Variants in MTPN observed in about 807,000 individuals in gnomAD.
MTPN encodes myotrophin, also known as granule cell differentiation protein.
In MTPN, 2 loss-of-function variants were observed where a neutral mutation model predicts 13.5. The ratio of observed to expected loss-of-function variants is 0.15; its 90% CI spans 0.06 to 0.47. The LOEUF (loss-of-function observed/expected upper bound fraction) is 0.47, where lower values mean the gene tolerates loss of function less well. Ranked by LOEUF, MTPN falls within the 20% of genes least tolerant of loss-of-function variation. The pLI is 0.97. For synonymous variants in MTPN, 46 were observed against 51.7 expected (o/e 0.89, Z 0.48); for missense variants, 79 against 137.9 (o/e 0.57, Z 2.14).
intron 1 of MTPN, among the ~76,000 whole-genome samples, chr7:135,962,751 T>C (rs1196847877): frequency 6.6e-6 from 1 of 152,030 alleles, no homozygotes; most frequent in Non-Finnish European, 1.5e-5. Flanking sequence ...TTCACTAGAT[T>C]AGTACTTCTT....
intron 1 of MTPN, among the ~76,000 whole-genome samples, chr7:135,959,946 T>C (rs1028042104): frequency 1.3e-5 from 2 of 152,080 alleles, no homozygotes; most frequent in Admixed American, 1.3e-4. Flanking sequence ...CAATGCCAAG[T>C]TGTTTTTTCC....
chr7:135,957,830 G>A (rs55740747), intron 1 of MTPN, among the ~76,000 whole-genome samples: 12,053 of 151,962 alleles, frequency 0.079, 537 homozygotes, highest in South Asian at 0.15. Flanking sequence ...TCCCTCCCTT[G>A]CTTCCTCTCT....
intron 3 of MTPN, among the ~76,000 whole-genome samples, chr7:135,933,822 G>A (rs1799068127): frequency 6.6e-6 from 1 of 152,046 alleles, no homozygotes; most frequent in Non-Finnish European, 1.5e-5. Flanking sequence ...TTGGAGGTGG[G>A]GCCTGGTGGG....
intron 3 of MTPN, among the ~76,000 whole-genome samples, chr7:135,943,693 G>A (rs747030119): frequency 5.3e-5 from 8 of 152,104 alleles, no homozygotes; most frequent in South Asian, 4.1e-4. Flanking sequence ...TAAAATTAGC[G>A]CTGCATAACC....
intron 3 of MTPN, among the ~76,000 whole-genome samples, chr7:135,935,495 G>A (rs555010641): frequency 2.6e-5 from 4 of 152,152 alleles, no homozygotes; most frequent in African/African-American, 7.2e-5. Flanking sequence ...CCACCTTAGC[G>A]TCCCAAAATG....
intron 3 of MTPN, among the ~76,000 whole-genome samples, chr7:135,930,740 C>G (rs541538009): frequency 1.3e-5 from 2 of 152,282 alleles, no homozygotes; most frequent in South Asian, 4.1e-4. Context: ...CCACTGTACT[C>G]CAGCACTTGG....
chr7:135,972,223 A>ACGCGCGCGCG (rs71531882), intron 1 of MTPN, among the ~76,000 whole-genome samples: 3 of 131,826 alleles, frequency 2.3e-5, no homozygotes, highest in African/African-American at 8.8e-5. Context: ...GCACACGCGC[A>ACGCGCGCGCG]CGCGCGCGCA....
chr7:135,945,423 C>A (rs890886019), intron 3 of MTPN, among the ~76,000 whole-genome samples: 9 of 152,128 alleles, frequency 5.9e-5, no homozygotes, highest in Non-Finnish European at 1.0e-4. Context: ...CACTGCACAG[C>A]TGTAGAAAAA....
At chr7:135,961,846 C>G (rs1799528238) in intron 1 of MTPN, among the ~76,000 whole-genome samples, 1 of 151,826 alleles carries the variant, frequency 6.6e-6, no homozygotes, top group Non-Finnish European at 1.5e-5. Context: ...AATCTTGGTA[C>G]ATGATAAAGT....
At position 135,950,457 on chromosome 7, in the gene MTPN, T is replaced by C. The variant is rs1306495387; in HGVS notation, c.270+142A>G. On this transcript the variant is annotated intron_variant, in intron 3 of 3. Coordinates refer to ENST00000393085, the MANE Select transcript of MTPN (RefSeq NM_145808.4). ...GTAACAGTTTATGGGCCAGCTATTT[T>C]GAGTAACACTACACTTCAATTTTGT... The C allele has an allele frequency of 6.0e-6, 4 of 671,150 alleles. No individual in the cohort carries two copies. The African/African-American group carries it at 7.3e-5, about 12-fold the overall frequency. The allele number at this position is 671,150 out of a possible 1,614,324, so 41.6% of individuals were successfully genotyped here. A position where few individuals can be genotyped will look rare whatever the true frequency, so the allele number is the denominator to read the frequency against.
At position 135,927,508 on chromosome 7, in the gene MTPN, GAAC is replaced by G; in HGVS notation, c.*2415_*2417del. 3 of 1,190,378 alleles carry G rather than the reference GAAC, an allele frequency of 2.5e-6. No individual in the cohort carries two copies. In the East Asian group the frequency reaches 7.7e-5, roughly 31 times the overall value. 73.7% of individuals were successfully genotyped at this position (1,190,378 alleles called of 1,614,324 possible). On this transcript the variant is annotated 3_prime_UTR_variant, in exon 4 of 4. Transcript: ENST00000393085. The stretch of plus-strand genomic sequence containing the variant: ...AGATGTTAAGTATTACTTCAGTGGA[GAAC>G]AAAACTTACTTAACCTTTCGCTAAT...
At chr7:135,948,785 C>A (rs1799320740) in intron 3 of MTPN, among the ~76,000 whole-genome samples, 1 of 152,070 alleles carries the variant, frequency 6.6e-6, no homozygotes, top group Non-Finnish European at 1.5e-5. Flanking sequence ...TTGTTCTGAT[C>A]TACAGTTTGA....
At chr7:135,958,518 T>C (rs1428371149) in intron 1 of MTPN, among the ~76,000 whole-genome samples, 1 of 152,198 alleles carries the variant, frequency 6.6e-6, no homozygotes, top group African/African-American at 2.4e-5. Flanking sequence ...CTTGCTTGTG[T>C]CTGCCCAACC....
chr7:135,942,020 A>G (rs1383361653), intron 3 of MTPN, among the ~76,000 whole-genome samples: 2 of 151,678 alleles, frequency 1.3e-5, no homozygotes, highest in African/African-American at 2.4e-5. Flanking sequence ...AGTAGCTGAG[A>G]TAACAGGCAC....
intron 1 of MTPN, among the ~76,000 whole-genome samples, chr7:135,954,303 C>T (rs923797035): frequency 1.3e-5 from 2 of 152,100 alleles, no homozygotes; most frequent in Non-Finnish European, 2.9e-5. Context: ...AAAGATTATT[C>T]AAAATAGGAT....
intron 1 of MTPN, among the ~76,000 whole-genome samples, chr7:135,965,087 C>G (rs1799584154): frequency 6.6e-6 from 1 of 151,966 alleles, no homozygotes; most frequent in African/African-American, 2.4e-5. Context: ...TACTAGCTGC[C>G]CCTTTACAAA....
intron 1 of MTPN, among the ~76,000 whole-genome samples, chr7:135,964,746 C>T (rs1258431830): frequency 6.6e-6 from 1 of 152,020 alleles, no homozygotes; most frequent in Non-Finnish European, 1.5e-5. Context: ...CTTTTCCAGT[C>T]CAACATCTTT....
chr7:135,959,817 GT>G (rs11452329), intron 1 of MTPN, among the ~76,000 whole-genome samples: 49 of 143,462 alleles, frequency 3.4e-4, no homozygotes, highest in African/African-American at 5.3e-4. Context: ...ACATCTGCTT[GT>G]TTTTTTTTTT....
chr7:135,943,418 G>A (rs551129619), intron 3 of MTPN, among the ~76,000 whole-genome samples: 5 of 152,248 alleles, frequency 3.3e-5, no homozygotes, highest in South Asian at 4.2e-4. Flanking sequence ...ACTTGAGAGG[G>A]ATATTCAAGT....
Sources: gnomAD v4.1 joint callset for allele counts (sites outside exome capture counted in the v4.1 genomes callset) on GRCh38, gnomAD v4.1.1 for gene constraint, MANE v1.5 for transcripts, NCBI Gene and HGNC (gene_info 2026-07-23, HGNC 2026-07-21) for gene names.